TG: variants seen among roughly 807,000 people sequenced by gnomAD.
The protein encoded by TG is thyroglobulin.
In TG, 270 loss-of-function variants were observed where a neutral mutation model predicts 324.7. That is an observed-to-expected ratio of 0.83 (90% CI 0.75 to 0.92). The LOEUF (loss-of-function observed/expected upper bound fraction) is 0.92. Ranked by LOEUF, TG falls within the 40% of genes least tolerant of loss-of-function variation. The pLI, the probability that TG is intolerant of heterozygous loss-of-function variation, is 0.00. For synonymous variants in TG, 1,401 were observed against 1,327.0 expected, an observed-to-expected ratio of 1.06 and a Z score of -1.21; for missense variants, 3,591 against 3,456.4, an observed-to-expected ratio of 1.04 and a Z score of -0.98.
intron 18 of TG, among the ~76,000 whole-genome samples, chr8:132,910,626 A>T (rs2739053): frequency 0.41 from 61,887 of 152,024 alleles, 15,541 homozygotes; most frequent in Admixed American, 0.53. Flanking sequence ...TCCACCATGG[A>T]CACAGTGAGA....
rs745654678 is a variant in TG, at chr8:132,969,578, C to T, written c.5975+9C>T. 9.3e-6 allele frequency: 14 copies of T among 1,510,706 alleles called. No individual in the cohort carries two copies. Among genetic ancestry groups the T allele is most frequent in the Non-Finnish European group, 1.3e-5 (14 of 1,086,186 alleles). 93.6% of individuals were successfully genotyped at this position (1,510,706 alleles called of 1,614,324 possible). On this transcript the variant is annotated intron_variant, in intron 32 of 47. Transcript: ENST00000220616. ...AAATCTATTTCTAATGGGTAAGCTACTTGTGTCTCACCCCTAATGTTTATT... is the reference window on the plus strand; with the variant it reads ...AAATCTATTTCTAATGGGTAAGCTATTTGTGTCTCACCCCTAATGTTTATT...
chr8:132,928,681 C>T (rs1173943374), intron 22 of TG, among the ~76,000 whole-genome samples: 1 of 152,198 alleles, frequency 6.6e-6, no homozygotes, highest in Non-Finnish European at 1.5e-5. Context: ...TAACTTACCT[C>T]ATTTCGGAAA....
intron 35 of TG, among the ~76,000 whole-genome samples, chr8:133,004,668 C>G (rs1833865268): frequency 6.6e-6 from 1 of 152,166 alleles, no homozygotes; most frequent in African/African-American, 2.4e-5. Flanking sequence ...GAGTAGGGGA[C>G]ACACAGGACC....
intron 41 of TG, among the ~76,000 whole-genome samples, chr8:133,062,648 C>T (rs181376859): frequency 2.4e-4 from 36 of 152,248 alleles, no homozygotes; most frequent in Admixed American, 1.6e-3. Flanking sequence ...GGGAAGCATG[C>T]GTGTGACATG....
At position 132,901,282 on chromosome 8, in the gene TG, GA is replaced by G. The variant is rs1451335891; in HGVS notation, c.3434-70del. On this transcript the variant is annotated intron_variant, in intron 15 of 47. Transcript: ENST00000220616. ...GCTGAGGGTGGCCGTGGGTGGTGAG[GA>G]GGGTGATTGGGCATCTGAGCAGGGA... 11 of 1,584,334 alleles carry G rather than the reference GA, an allele frequency of 6.9e-6. No homozygotes were observed. In the East Asian group the frequency reaches 2.5e-4, roughly 35 times the overall value.
At chr8:133,099,747 C>T (rs1432884182) in intron 43 of TG, among the ~76,000 whole-genome samples, 2 of 152,202 alleles carry the variant, frequency 1.3e-5, no homozygotes, top group Admixed American at 6.5e-5. Context: ...TGACACTGCT[C>T]TCTCATACCC....
chr8:132,969,794 G>C (rs751898525), intron 32 of TG, among the ~76,000 whole-genome samples: 1 of 151,466 alleles, frequency 6.6e-6, no homozygotes, highest in Non-Finnish European at 1.5e-5. Flanking sequence ...CATGCTAGTA[G>C]TCCCAGTTAC....
chr8:132,960,975 C>T (rs370676697), intron 27 of TG, 33 bp from the exon 28 acceptor site: 2 of 1,608,768 alleles, frequency 1.2e-6, no homozygotes, highest in African/African-American at 2.7e-5. Context: ...ACAGCACACT[C>T]AAGCTCATAA....
At chr8:132,967,621 C>T (rs1308977924) in intron 30 of TG, among the ~76,000 whole-genome samples, 173 bp from the exon 31 acceptor site, 2 of 152,192 alleles carry the variant, frequency 1.3e-5, no homozygotes, top group Non-Finnish European at 1.5e-5. Context: ...GCTAGCAGAA[C>T]CCCAGCGTTT....
Position 132,877,129 on chromosome 8 carries a change from C to CTTATT in TG, c.638+3931_638+3935dup, listed in dbSNP as rs75415252. On this transcript the variant is annotated intron_variant, in intron 5 of 47. Transcript: ENST00000220616. ...GCGCTCTGCTAGGCTACGGCCCCCT[C>CTTATT]TTATTTTATTTTATTTTATTTTATT... Among the ~76,000 whole-genome samples, 713 of 150,750 alleles carry CTTATT rather than the reference C, an allele frequency of 4.7e-3. 4 individuals are homozygous for CTTATT. The highest frequency in any genetic ancestry group is 0.013 in the African/African-American group (539 of 40,220).
At chr8:133,019,473 C>T in intron 38 of TG, 129 bp from the exon 39 acceptor site, 1 of 726,974 alleles carries the variant, frequency 1.4e-6, no homozygotes, top group Non-Finnish European at 2.4e-6. Context: ...TTTCCTGAAG[C>T]TGCCTAATTT....
chr8:133,125,537 G>T (rs1564216289), intron 45 of TG, among the ~76,000 whole-genome samples: 1 of 152,324 alleles, frequency 6.6e-6, no homozygotes, highest in East Asian at 1.9e-4. Flanking sequence ...TATTAAGCTG[G>T]AAGAATCCAA....
chr8:133,074,753 G>T, intron 41 of TG: 2 of 624,720 alleles, frequency 3.2e-6, no homozygotes, highest in Non-Finnish European at 4.0e-6. Context: ...TTCTCAGGGA[G>T]CTCCTTTCTG....
intron 20 of TG, among the ~76,000 whole-genome samples, chr8:132,915,801 C>T (rs1177115019): frequency 1.3e-5 from 2 of 152,164 alleles, no homozygotes; most frequent in Non-Finnish European, 2.9e-5. Flanking sequence ...CTAGATAAAC[C>T]TACACTCTAT....
chr8:133,059,663 A>G (rs1465470554), intron 41 of TG, among the ~76,000 whole-genome samples: 1 of 152,178 alleles, frequency 6.6e-6, no homozygotes, highest in Non-Finnish European at 1.5e-5. Flanking sequence ...ACACAGATCC[A>G]GCTCTTGCGG....
chr8:132,954,127 A>C (rs1826507486), intron 27 of TG, among the ~76,000 whole-genome samples: 1 of 152,132 alleles, frequency 6.6e-6, no homozygotes, highest in East Asian at 1.9e-4. Flanking sequence ...TATGTCAGTG[A>C]TTGTCATTAT....
intron 10 of TG, among the ~76,000 whole-genome samples, chr8:132,893,078 G>A (rs947769425): frequency 7.0e-6 from 1 of 143,388 alleles, no homozygotes; most frequent in Non-Finnish European, 1.5e-5. Context: ...GTGTGTGGGT[G>A]GTGTATGTGT....
chr8:133,085,365 C>T (rs1846358468), intron 41 of TG, among the ~76,000 whole-genome samples: 1 of 152,144 alleles, frequency 6.6e-6, no homozygotes, highest in Non-Finnish European at 1.5e-5. Context: ...GATTTCATCA[C>T]AATTTAAAAA....
intron 41 of TG, among the ~76,000 whole-genome samples, chr8:133,030,440 T>A (rs1836528839): frequency 6.6e-6 from 1 of 152,178 alleles, no homozygotes; most frequent in Admixed American, 6.5e-5. Context: ...GTGGTAATGA[T>A]GATAATGATG....
Sources: allele counts gnomAD v4.1 joint callset (sites outside exome capture counted in the v4.1 genomes callset), GRCh38; gene constraint gnomAD v4.1.1; transcripts MANE v1.5; gene names NCBI Gene and HGNC (gene_info 2026-07-23, HGNC 2026-07-21).